ITPR2: variants seen among roughly 807,000 people sequenced by gnomAD.
ITPR2 encodes inositol 1,4,5-trisphosphate-gated calcium channel ITPR2.
In ITPR2, 207 loss-of-function variants were observed where a neutral mutation model predicts 317.1. The ratio of observed to expected loss-of-function variants is 0.65; its 90% CI spans 0.58 to 0.73. The LOEUF (loss-of-function observed/expected upper bound fraction) is 0.73. ITPR2 is among the 30% of genes least tolerant of loss of function. The pLI, the probability that ITPR2 is intolerant of heterozygous loss-of-function variation, is 0.00. For missense variants in ITPR2, 2,613 were observed against 3,284.0 expected, an observed-to-expected ratio of 0.80 and a Z score of 4.99; for synonymous variants, 1,156 against 1,149.1, an observed-to-expected ratio of 1.01 and a Z score of -0.12.
intron 39 of ITPR2, among the ~76,000 whole-genome samples, chr12:26,493,172 C>T (rs1942850530): frequency 6.6e-6 from 1 of 152,104 alleles, no homozygotes; most frequent in South Asian, 2.1e-4. Context: ...CAACTAAGTA[C>T]TATTGATTTA....
At chr12:26,567,971 A>ATATATATATATATATAT (rs1360321201) in intron 34 of ITPR2, among the ~76,000 whole-genome samples, 3 of 7,646 alleles carry the variant, frequency 3.9e-4, no homozygotes, top group African/African-American at 1.0e-3. Context: ...TATATATATT[A>ATATATATATATATATAT]TATATATTAT....
At chr12:26,706,902 A>T (rs985021155) in intron 9 of ITPR2, among the ~76,000 whole-genome samples, 49 of 152,166 alleles carry the variant, frequency 3.2e-4, no homozygotes, top group Admixed American at 2.7e-3. Flanking sequence ...TCTATGTATG[A>T]TTTGGACATT....
chr12:26,736,775 T>C (rs1565728025), intron 2 of ITPR2, among the ~76,000 whole-genome samples: 1 of 152,244 alleles, frequency 6.6e-6, no homozygotes, highest in Non-Finnish European at 1.5e-5. Context: ...CATATTAGAC[T>C]GATTCCTCAA....
chr12:26,715,185 A>T, intron 8 of ITPR2, 114 bp downstream of exon 8: 2 of 995,816 alleles, frequency 2.0e-6, no homozygotes, highest in Non-Finnish European at 2.9e-6. Flanking sequence ...CACAAAAATT[A>T]TTCTATTTTA....
At chr12:26,631,821 A>T (rs1183410771) in intron 22 of ITPR2, 45 bp downstream of exon 22, 1 of 1,555,062 alleles carries the variant, frequency 6.4e-7, no homozygotes, top group Non-Finnish European at 8.9e-7. Flanking sequence ...TAAATCAATA[A>T]GCAAAATTAC....
rs1006909306 is a variant in ITPR2 at position 26,336,138 on chromosome 12, A to C, written c.*3259T>G. Among the ~76,000 whole-genome samples, 1 of 152,094 alleles carries C rather than the reference A, an allele frequency of 6.6e-6. No homozygotes were observed. Among genetic ancestry groups the C allele is most frequent in the Non-Finnish European group, 1.5e-5 (1 of 68,020 alleles). ...TAAGCTTTTTTCTTCTTCTTAGCTAATATTTACCCCTCCTTTTCTCTAATG... is the reference window on the plus strand; with the variant it reads ...TAAGCTTTTTTCTTCTTCTTAGCTACTATTTACCCCTCCTTTTCTCTAATG... On this transcript the variant is annotated 3_prime_UTR_variant, in exon 57 of 57. Coordinates refer to ENST00000381340, the MANE Select transcript of ITPR2 (RefSeq NM_002223.4).
chr12:26,705,605 T>C (rs744181), intron 9 of ITPR2, among the ~76,000 whole-genome samples: 34,359 of 152,018 alleles, frequency 0.23, 4,510 homozygotes, highest in East Asian at 0.56. Flanking sequence ...TAGTGGACAA[T>C]TTCATCCAGA....
At chr12:26,464,826 G>C (rs950269944) in intron 45 of ITPR2, among the ~76,000 whole-genome samples, 1 of 152,186 alleles carries the variant, frequency 6.6e-6, no homozygotes, top group African/African-American at 2.4e-5. Flanking sequence ...ATCCACCCAG[G>C]CTTGGGCTAC....
At chr12:26,512,471 A>AC (rs1188775639) in intron 37 of ITPR2, among the ~76,000 whole-genome samples, 1 of 151,704 alleles carries the variant, frequency 6.6e-6, no homozygotes, top group Non-Finnish European at 1.5e-5. Flanking sequence ...TTCTCTACCC[A>AC]CCCCCCACAT....
Position 26,774,863 on chromosome 12 carries a change from C to T in ITPR2, c.163+15294G>A, listed in dbSNP as rs900614741. Among the ~76,000 whole-genome samples, 9 of 152,326 alleles carry T rather than the reference C, an allele frequency of 5.9e-5. No homozygotes were observed. In the East Asian group the frequency reaches 1.5e-3, roughly 26 times the overall value. On this transcript the variant is annotated intron_variant, in intron 2 of 56. Transcript: ENST00000381340. ...AGAAGTGTATTGTGGAACGAAATGACAACACCGTCTGGTGCAAACAAAAAC... is the reference window on the plus strand; with the variant it reads ...AGAAGTGTATTGTGGAACGAAATGATAACACCGTCTGGTGCAAACAAAAAC...
chr12:26,665,094 G>C (rs887827020), intron 14 of ITPR2, among the ~76,000 whole-genome samples: 3 of 152,200 alleles, frequency 2.0e-5, no homozygotes, highest in African/African-American at 7.2e-5. Flanking sequence ...ATTAGGAAGT[G>C]AATCAATTTA....
intron 6 of ITPR2, 57 bp from the exon 7 acceptor site, chr12:26,715,892 A>G: frequency 8.3e-7 from 1 of 1,211,234 alleles, no homozygotes; most frequent in Non-Finnish European, 1.2e-6. Context: ...CTCTACCAGA[A>G]ATTATTAGTT....
chr12:26,521,179 A>G (rs1487850034), intron 37 of ITPR2, among the ~76,000 whole-genome samples: 1 of 152,210 alleles, frequency 6.6e-6, no homozygotes, highest in African/African-American at 2.4e-5. Flanking sequence ...TGCATTTTCA[A>G]TAGTTATACA....
intron 55 of ITPR2, among the ~76,000 whole-genome samples, chr12:26,340,582 T>C (rs1350533548): frequency 6.6e-6 from 1 of 152,110 alleles, no homozygotes; most frequent in Non-Finnish European, 1.5e-5. Flanking sequence ...GAAAGCACCG[T>C]GAAGGCTGCA....
At chr12:26,504,677 T>A (rs915175004) in intron 37 of ITPR2, among the ~76,000 whole-genome samples, 1 of 152,188 alleles carries the variant, frequency 6.6e-6, no homozygotes, top group African/African-American at 2.4e-5. Context: ...CACATCAATG[T>A]ATGCTCTCAG....
chr12:26,831,718 A>T lies in ITPR2; in HGVS notation c.92+972T>A, dbSNP rs145212999. 0.16 allele frequency among the ~76,000 whole-genome samples: 20,968 copies of T among 133,428 alleles called. 2,261 individuals are homozygous for T. Among genetic ancestry groups the T allele is most frequent in the East Asian group, 0.22 (993 of 4,434 alleles). 87.5% of individuals were successfully genotyped at this position (133,428 alleles called of 152,430 possible). A position where few individuals can be genotyped will look rare whatever the true frequency, so the allele number is the denominator to read the frequency against. ...TTCTACATAAAATATATAAATATAT[A>T]TTCTACATAAAATATATAAATATAT... On this transcript the variant is annotated intron_variant, in intron 1 of 56. Coordinates refer to ENST00000381340, the MANE Select transcript of ITPR2 (RefSeq NM_002223.4). The surrounding 1 kb of genome is among the most constrained non-coding windows in gnomAD (Gnocchi z 4.9).
At chr12:26,716,688 G>T (rs906062894) in intron 5 of ITPR2, among the ~76,000 whole-genome samples, 9 of 152,150 alleles carry the variant, frequency 5.9e-5, no homozygotes, top group Admixed American at 5.9e-4. Flanking sequence ...TATAAGAGAT[G>T]AGTAAATTTG....
intron 4 of ITPR2, among the ~76,000 whole-genome samples, chr12:26,722,864 C>T (rs1948860228): frequency 6.6e-6 from 1 of 152,112 alleles, no homozygotes; most frequent in South Asian, 2.1e-4. Context: ...CAAAGGAGAC[C>T]TTGAGTTTCC....
chr12:26,657,262 G>A (rs1163771083), intron 18 of ITPR2, among the ~76,000 whole-genome samples: 3 of 152,152 alleles, frequency 2.0e-5, no homozygotes, highest in Non-Finnish European at 2.9e-5. Context: ...GTTAACTACA[G>A]GCACCAGTTT....
Sources: gnomAD v4.1 joint callset for allele counts (sites outside exome capture counted in the v4.1 genomes callset) on GRCh38, gnomAD v4.1.1 for gene constraint, Gnocchi (gnomAD v3.1) non-coding constraint, MANE v1.5 for transcripts, NCBI Gene and HGNC (gene_info 2026-07-23, HGNC 2026-07-21) for gene names.